LYPD6B: variants seen among roughly 807,000 people sequenced by gnomAD.
LYPD6B encodes the protein LY6/PLAUR domain containing 6B, also known as ly6/PLAUR domain-containing protein 6B.
A neutral mutation model predicts 22.8 loss-of-function variants in LYPD6B; 17 were observed. The ratio of observed to expected loss-of-function variants is 0.75; its 90% CI spans 0.51 to 1.12. LYPD6B has a LOEUF of 1.12. LYPD6B is among the 50% of genes most tolerant of loss of function. LYPD6B has a pLI of 0.00. For synonymous variants in LYPD6B, 106 were observed against 91.6 expected (o/e 1.16, Z -0.90); for missense variants, 221 against 258.3 (o/e 0.86, Z 0.99).
At chr2:149,182,311 A>G (rs1691791436) in intron 3 of LYPD6B, among the ~76,000 whole-genome samples, 1 of 152,180 alleles carries the variant, frequency 6.6e-6, no homozygotes, top group Non-Finnish European at 1.5e-5. Flanking sequence ...GAGTTTTCAT[A>G]TAGTTTAAAA....
intron 1 of LYPD6B, among the ~76,000 whole-genome samples, chr2:149,124,465 A>G (rs1487143972): frequency 6.6e-6 from 1 of 152,180 alleles, no homozygotes; most frequent in African/African-American, 2.4e-5. Flanking sequence ...CCGTGATGTT[A>G]AGTGGGCATC....
intron 1 of LYPD6B, among the ~76,000 whole-genome samples, chr2:149,071,030 C>T (rs1684579360): frequency 6.6e-6 from 1 of 152,156 alleles, no homozygotes; most frequent in African/African-American, 2.4e-5. Flanking sequence ...GTTCCACACC[C>T]GGCATTAGTA....
At chr2:149,098,060 A>G (rs1416676362) in intron 1 of LYPD6B, among the ~76,000 whole-genome samples, 1 of 152,124 alleles carries the variant, frequency 6.6e-6, no homozygotes, top group African/African-American at 2.4e-5. Flanking sequence ...ATAATTACTT[A>G]CTTGTTATAA....
At chr2:149,138,029 A>G (rs1412836577) in intron 2 of LYPD6B, among the ~76,000 whole-genome samples, 1 of 152,128 alleles carries the variant, frequency 6.6e-6, no homozygotes, top group East Asian at 1.9e-4. Flanking sequence ...TGCTTCCTCC[A>G]AGTTTCTATT....
intron 3 of LYPD6B, among the ~76,000 whole-genome samples, chr2:149,196,837 C>T (rs1390513392): frequency 1.3e-5 from 2 of 152,152 alleles, no homozygotes; most frequent in Admixed American, 6.5e-5. Context: ...TGAGGCTAAA[C>T]GAAGTCAAAA....
At chr2:149,211,380 GA>G (rs1320005378) in intron 5 of LYPD6B, among the ~76,000 whole-genome samples, 3 of 152,128 alleles carry the variant, frequency 2.0e-5, no homozygotes, top group African/African-American at 7.2e-5. Context: ...TACTGGGTTA[GA>G]ATCCTACTTT....
At position 149,155,308 on chromosome 2, in the gene LYPD6B, G is replaced by A. The variant is rs79027160; in HGVS notation, c.6-5456G>A. On this transcript the variant is annotated intron_variant, in intron 2 of 6. Transcript: ENST00000409642. ...ATTCATGGACTGTCTTATCTAAATG[G>A]TTTGACAAGTTCTCTATTCACCTGG... Among the ~76,000 whole-genome samples the A allele has an allele frequency of 7.3e-3, 1,111 of 152,272 alleles. 7 individuals carry two copies. Among genetic ancestry groups the A allele is most frequent in the Non-Finnish European group, 9.3e-3 (630 of 68,028 alleles).
intron 1 of LYPD6B, among the ~76,000 whole-genome samples, chr2:149,069,572 G>A (rs1445826792): frequency 6.6e-6 from 1 of 152,168 alleles, no homozygotes; most frequent in East Asian, 1.9e-4. Flanking sequence ...GGTTGGGCAG[G>A]AAGGATGTGT....
intron 1 of LYPD6B, among the ~76,000 whole-genome samples, chr2:149,047,685 C>G (rs1683373965): frequency 6.6e-6 from 1 of 152,022 alleles, no homozygotes; most frequent in Non-Finnish European, 1.5e-5. Context: ...GGAAAATTCT[C>G]AGCAATTATT....
chr2:149,099,952 C>T (rs867135208), intron 1 of LYPD6B, among the ~76,000 whole-genome samples: 1 of 152,160 alleles, frequency 6.6e-6, no homozygotes, highest in East Asian at 1.9e-4. Context: ...CTGTTCTGGG[C>T]AGCCTGAGGG....
At chr2:149,172,272 C>T (rs542003286) in intron 3 of LYPD6B, among the ~76,000 whole-genome samples, 2 of 152,298 alleles carry the variant, frequency 1.3e-5, no homozygotes, top group African/African-American at 4.8e-5. Context: ...CCCCGTGATT[C>T]AATTACCTTC....
chr2:149,115,185 C>T (rs574315355), intron 1 of LYPD6B, among the ~76,000 whole-genome samples: 16 of 152,120 alleles, frequency 1.1e-4, no homozygotes, highest in Non-Finnish European at 1.8e-4. Flanking sequence ...GTGATCCTCT[C>T]GCCTCGGCCT....
intron 1 of LYPD6B, among the ~76,000 whole-genome samples, chr2:149,046,018 A>G (rs1251252054): frequency 6.6e-6 from 1 of 151,874 alleles, no homozygotes; most frequent in Non-Finnish European, 1.5e-5. Context: ...GGATGTATCT[A>G]TTTTTCTTTT....
chr2:149,090,681 T>G (rs1685610296), intron 1 of LYPD6B, among the ~76,000 whole-genome samples: 2 of 151,996 alleles, frequency 1.3e-5, no homozygotes, highest in South Asian at 4.2e-4. Context: ...CTCCTAGGGG[T>G]GATAACTCAG....
At chr2:149,196,724 G>A (rs1044893832) in intron 3 of LYPD6B, among the ~76,000 whole-genome samples, 6 of 152,152 alleles carry the variant, frequency 3.9e-5, no homozygotes, top group Admixed American at 3.9e-4. Context: ...CTGTGTATAT[G>A]CACATATACA....
intron 1 of LYPD6B, among the ~76,000 whole-genome samples, chr2:149,059,586 C>T (rs1022808609): frequency 4.6e-5 from 7 of 152,202 alleles, no homozygotes; most frequent in South Asian, 2.1e-4. Context: ...CTCCTGTCTC[C>T]GTATCCATTT....
chr2:149,124,861 C>T (rs1687600706), intron 1 of LYPD6B, among the ~76,000 whole-genome samples: 1 of 152,152 alleles, frequency 6.6e-6, no homozygotes, highest in African/African-American at 2.4e-5. Context: ...TGTACCAACC[C>T]CACTGTCCAA....
At position 149,060,477 on chromosome 2, in the gene LYPD6B, T is replaced by C. The variant is rs778827182; in HGVS notation, c.-67+21676T>C. Among the ~76,000 whole-genome samples, 105 of 152,314 alleles carry C rather than the reference T, an allele frequency of 6.9e-4. 1 individual carries two copies. The highest frequency in any genetic ancestry group is 1.0e-3 in the Non-Finnish European group (69 of 68,028). On this transcript the variant is annotated intron_variant, in intron 1 of 6. Coordinates refer to ENST00000409642, the MANE Select transcript of LYPD6B (RefSeq NM_177964.5). ...TCTATGAGCAATCTCCTACACTGTG[T>C]ATTAGTTAACTGGTGTAATAATACC...
At chr2:149,103,674 C>G (rs1686323300) in intron 1 of LYPD6B, among the ~76,000 whole-genome samples, 1 of 151,982 alleles carries the variant, frequency 6.6e-6, no homozygotes, top group Non-Finnish European at 1.5e-5. Flanking sequence ...GCCCTGTTGC[C>G]CAGGCAGGGA....
Sources: gnomAD v4.1 joint callset for allele counts (sites outside exome capture counted in the v4.1 genomes callset) on GRCh38, gnomAD v4.1.1 for gene constraint, MANE v1.5 for transcripts, NCBI Gene and HGNC (gene_info 2026-07-23, HGNC 2026-07-21) for gene names.